The following NRXN1 variants were observed in gnomAD, a reference collection of about 807,000 sequenced individuals.
NRXN1 encodes neurexin 1.
A neutral mutation model predicts 150.9 loss-of-function variants in NRXN1; 39 were observed. The observed-to-expected ratio is 0.26, with a 90% CI of 0.20 to 0.34. The LOEUF is 0.34. Among genes scored for constraint, NRXN1 ranks in the 10% least tolerant of loss-of-function variants. The probability of loss-of-function intolerance (pLI) is 1.00; values close to 1 mark genes in which losing one functional copy is unlikely to be tolerated. For synonymous variants in NRXN1, 924 were observed against 757.0 expected (o/e 1.22, Z -3.62); for missense variants, 1,815 against 1,949.9 (o/e 0.93, Z 1.30).
chr2:50,260,933 G>T (rs1276978470), intron 17 of NRXN1, among the ~76,000 whole-genome samples: 2 of 151,440 alleles, frequency 1.3e-5, no homozygotes, highest in East Asian at 3.9e-4. Flanking sequence ...GTTAAATTGG[G>T]GGCTGAAGTG....
intron 5 of NRXN1, among the ~76,000 whole-genome samples, chr2:50,655,077 C>G (rs1415909289): frequency 1.3e-5 from 2 of 151,480 alleles, no homozygotes; most frequent in African/African-American, 4.9e-5. Context: ...TGGGATTTTC[C>G]AATATGCAGT....
chr2:50,105,772 C>G (rs2152716966), intron 18 of NRXN1, among the ~76,000 whole-genome samples: 1 of 152,006 alleles, frequency 6.6e-6, no homozygotes, highest in Admixed American at 6.6e-5. Flanking sequence ...GTGTCATGAT[C>G]AATAACCAAG....
At chr2:50,614,684 C>T (rs2351770) in intron 8 of NRXN1, among the ~76,000 whole-genome samples, 28,893 of 137,988 alleles carry the variant, frequency 0.21, 3,596 homozygotes, top group East Asian at 0.37. Context: ...CAGAATATCC[C>T]CTTTTGGAAG....
At chr2:50,592,448 T>C (rs770592824) in intron 8 of NRXN1, among the ~76,000 whole-genome samples, 2 of 152,050 alleles carry the variant, frequency 1.3e-5, no homozygotes, top group Non-Finnish European at 2.9e-5. Context: ...AGGTGGCAAG[T>C]CTATGAGCTG....
intron 17 of NRXN1, among the ~76,000 whole-genome samples, chr2:50,344,355 G>T (rs2077770737): frequency 6.6e-6 from 1 of 152,072 alleles, no homozygotes; most frequent in Non-Finnish European, 1.5e-5. Flanking sequence ...GGCAGGGGTT[G>T]GTTACTGACA....
At chr2:50,367,235 A>C (rs2079649148) in intron 17 of NRXN1, among the ~76,000 whole-genome samples, 1 of 152,002 alleles carries the variant, frequency 6.6e-6, no homozygotes, top group African/African-American at 2.4e-5. Context: ...CTATGGAACT[A>C]AAGAAATGCA....
intron 17 of NRXN1, among the ~76,000 whole-genome samples, chr2:50,406,889 A>C (rs2082784590): frequency 6.6e-6 from 1 of 151,236 alleles, no homozygotes; most frequent in Admixed American, 6.6e-5. Context: ...CCTTTTTCAT[A>C]GTGAATCTTT....
At chr2:50,703,757 T>G (rs538280411) in intron 5 of NRXN1, among the ~76,000 whole-genome samples, 1 of 152,236 alleles carries the variant, frequency 6.6e-6, no homozygotes, top group African/African-American at 2.4e-5. Flanking sequence ...AGCTAAGAAT[T>G]TAACATGGAT....
chr2:50,031,885 T>C (rs1297238972), intron 21 of NRXN1, among the ~76,000 whole-genome samples: 2 of 152,078 alleles, frequency 1.3e-5, no homozygotes, highest in East Asian at 3.8e-4. Flanking sequence ...AGAGCATGTC[T>C]CCTGGTCTCA....
chr2:50,692,033 G>C (rs995473165), intron 5 of NRXN1, among the ~76,000 whole-genome samples: 1 of 152,052 alleles, frequency 6.6e-6, no homozygotes, highest in African/African-American at 2.4e-5. Flanking sequence ...ACGTCTGTGT[G>C]TGAAAACAAA....
At chr2:50,752,598 T>C (rs534980446) in intron 5 of NRXN1, among the ~76,000 whole-genome samples, 67 of 151,968 alleles carry the variant, frequency 4.4e-4, no homozygotes, top group Non-Finnish European at 8.2e-4. Flanking sequence ...AAATTTCTAT[T>C]TGGAGGCAAC....
intron 2 of NRXN1, among the ~76,000 whole-genome samples, chr2:50,968,047 T>C (rs1454876694): frequency 6.6e-6 from 1 of 152,018 alleles, no homozygotes; most frequent in African/African-American, 2.4e-5. Flanking sequence ...GATTAGAAAT[T>C]TATGATTAAA....
chr2:50,678,350 A>G (rs573145114), intron 5 of NRXN1, among the ~76,000 whole-genome samples: 3 of 152,298 alleles, frequency 2.0e-5, no homozygotes, highest in African/African-American at 7.2e-5. Context: ...GATTAATCCC[A>G]TGGTTTGTTA....
chr2:50,748,511 TC>T (rs1700244587), intron 5 of NRXN1, among the ~76,000 whole-genome samples: 1 of 152,054 alleles, frequency 6.6e-6, no homozygotes, highest in Non-Finnish European at 1.5e-5. Flanking sequence ...TATTAATTAA[TC>T]CCCATAAGCA....
chr2:50,558,798 G>A (rs1168495766), intron 8 of NRXN1, among the ~76,000 whole-genome samples: 2 of 152,138 alleles, frequency 1.3e-5, no homozygotes, highest in East Asian at 3.9e-4. Context: ...AGTGGCTCAG[G>A]CCTGTAATCC....
intron 2 of NRXN1, among the ~76,000 whole-genome samples, chr2:50,926,321 G>A (rs577117108): frequency 6.6e-6 from 1 of 151,906 alleles, no homozygotes; most frequent in Non-Finnish European, 1.5e-5. Flanking sequence ...ATTCTAAAAG[G>A]TTCTATTTCC....
intron 5 of NRXN1, among the ~76,000 whole-genome samples, chr2:50,818,817 T>C (rs371699320): frequency 2.0e-4 from 31 of 152,230 alleles, no homozygotes; most frequent in African/African-American, 7.0e-4. Context: ...CATAACTCAA[T>C]GGCAGAAACA....
chr2:50,590,310 T>G (rs540672949), intron 8 of NRXN1, among the ~76,000 whole-genome samples: 6 of 152,310 alleles, frequency 3.9e-5, no homozygotes, highest in African/African-American at 1.4e-4. Flanking sequence ...AATATATATA[T>G]ACATATACAT....
In NRXN1 at chr2:50,496,010, G is replaced by A. The variant is rs768919778; in HGVS notation, c.2965C>T (p.His989Tyr). The A allele has an allele frequency of 6.2e-7, 1 of 1,613,526 alleles. No individual in the cohort carries two copies. The highest frequency in any genetic ancestry group is 1.1e-5 in the South Asian group (1 of 90,988). Residue 989 changes from histidine (H) to tyrosine (Y), a missense_variant, in exon 15 of 23, where the codon CAC becomes TAC. By Grantham distance (83) the His-to-Tyr change is moderately conservative. Coordinates refer to ENST00000401669, the MANE Select transcript of NRXN1 (RefSeq NM_001330078.2). ...GTGTCCCTTGATATCATCACGTTGT[G>A]CCACTGATTGTCATTGAGAGGTTTA... Reference protein sequence around the residue: ...SNKPLNDNQWHNVMISRDTSN... With the variant: ...SNKPLNDNQWYNVMISRDTSN...
Sources: allele counts gnomAD v4.1 joint callset (sites outside exome capture counted in the v4.1 genomes callset), GRCh38; gene constraint gnomAD v4.1.1; transcripts MANE v1.5; gene names NCBI Gene and HGNC (gene_info 2026-07-23, HGNC 2026-07-21).